Variants in TPH2 observed in about 807,000 individuals in gnomAD.
TPH2 encodes the protein tryptophan hydroxylase 2, also known as tryptophan 5-hydroxylase 2.
TPH2 carries 27 observed loss-of-function variants against 59.1 expected under a neutral mutation model. The observed-to-expected ratio is 0.46, with a 90% CI of 0.34 to 0.63. The LOEUF (loss-of-function observed/expected upper bound fraction) is 0.63, where lower values mean the gene tolerates loss of function less well. Ranked by LOEUF, TPH2 falls within the 30% of genes least tolerant of loss-of-function variation. The probability of loss-of-function intolerance (pLI) is 0.01; values close to 1 mark genes in which losing one functional copy is unlikely to be tolerated. For synonymous variants in TPH2, 220 were observed against 210.5 expected, an observed-to-expected ratio of 1.05 and a Z score of -0.39; for missense variants, 523 against 588.3, an observed-to-expected ratio of 0.89 and a Z score of 1.15.
intron 7 of TPH2, among the ~76,000 whole-genome samples, chr12:71,979,560 G>T (rs1211959060): frequency 6.6e-6 from 1 of 152,136 alleles, no homozygotes; most frequent in Admixed American, 6.5e-5. Flanking sequence ...TTAGTTTCTT[G>T]AACACTTCTC....
intron 9 of TPH2, among the ~76,000 whole-genome samples, chr12:72,024,578 A>G (rs1177854513): frequency 1.3e-5 from 2 of 152,240 alleles, no homozygotes; most frequent in African/African-American, 4.8e-5. Context: ...ATTTCCCTGA[A>G]CAAAAGAGTC....
At chr12:72,012,849 A>G (rs891239406) in intron 8 of TPH2, among the ~76,000 whole-genome samples, 5 of 152,142 alleles carry the variant, frequency 3.3e-5, no homozygotes, top group African/African-American at 1.2e-4. Context: ...TATAGGAAGT[A>G]GTGTTAAATA....
chr12:72,031,966 T>G lies in TPH2; in HGVS notation c.*271T>G. Reference sequence around the variant, plus strand: ...TCCTGCTTAGTGTCCTTAACCAAACTGCATCTAGTTAAAATTTGTAACAAA... The same window carrying G: ...TCCTGCTTAGTGTCCTTAACCAAACGGCATCTAGTTAAAATTTGTAACAAA... On this transcript the variant is annotated 3_prime_UTR_variant, in exon 11 of 11. Transcript: ENST00000333850. The G allele has an allele frequency of 2.2e-6, 1 of 450,564 alleles. No individual in the cohort carries two copies. Among genetic ancestry groups the G allele is most frequent in the Non-Finnish European group, 4.1e-6 (1 of 244,752 alleles). The allele number at this position is 450,564 out of a possible 1,614,324, so 27.9% of individuals were successfully genotyped here.
At chr12:71,965,141 T>G (rs1055371237) in intron 5 of TPH2, 3 of 152,232 alleles carry the variant, frequency 2.0e-5, no homozygotes, top group Non-Finnish European at 4.4e-5. Context: ...CTGCATAGTA[T>G]TCCATCGTGT....
At chr12:71,999,325 A>G (rs944017535) in intron 8 of TPH2, among the ~76,000 whole-genome samples, 5 of 152,258 alleles carry the variant, frequency 3.3e-5, no homozygotes, top group Admixed American at 2.6e-4. Flanking sequence ...TATCTGAAGA[A>G]ATTGATGACA....
chr12:71,961,403 CATGAGCTGTAGG>C, intron 5 of TPH2: 1 of 566,252 alleles, frequency 1.8e-6, no homozygotes, highest in Non-Finnish European at 2.7e-6. Context: ...TGCACAAGAC[CATGAGCTGTAGG>C]ATAATCACGC....
Position 71,963,422 on chromosome 12 carries a change from A to G in TPH2, c.609-9097A>G, listed in dbSNP as rs1371389615. ...TATTATATATGTACTAATACTATGT[A>G]TTAGTGTGTGTATATACATACATAT... On this transcript the variant is annotated intron_variant, in intron 5 of 10. Coordinates refer to ENST00000333850, the MANE Select transcript of TPH2 (RefSeq NM_173353.4). 5.4e-5 allele frequency among the ~76,000 whole-genome samples: 2 copies of G among 37,082 alleles called. 1 individual carries two copies. Among genetic ancestry groups the G allele is most frequent in the African/African-American group, 1.4e-4 (2 of 13,970 alleles). The allele number at this position is 37,082 out of a possible 152,430, so 24.3% of individuals were successfully genotyped here. A position where few individuals can be genotyped will look rare whatever the true frequency, so the allele number is the denominator to read the frequency against.
intron 9 of TPH2, among the ~76,000 whole-genome samples, chr12:72,027,531 G>A (rs1873604106): frequency 6.6e-6 from 1 of 152,188 alleles, no homozygotes; most frequent in African/African-American, 2.4e-5. Context: ...CACGTAGTTA[G>A]GTAGAGATGG....
intron 4 of TPH2, among the ~76,000 whole-genome samples, chr12:71,949,151 A>G (rs1214889004): frequency 6.6e-6 from 1 of 152,240 alleles, no homozygotes; most frequent in East Asian, 1.9e-4. Context: ...AGAATTTATA[A>G]TAAATGTCAC....
chr12:71,945,499 C>T (rs1285930575), intron 4 of TPH2, among the ~76,000 whole-genome samples: 2 of 152,020 alleles, frequency 1.3e-5, no homozygotes, highest in Non-Finnish European at 1.5e-5. Context: ...AGATCACTAA[C>T]GCTTACAGGG....
chr12:71,972,282 C>T (rs986691257), intron 5 of TPH2, among the ~76,000 whole-genome samples: 1 of 152,146 alleles, frequency 6.6e-6, no homozygotes, highest in East Asian at 1.9e-4. Flanking sequence ...TCACATTTCT[C>T]TAAGGATGCA....
At chr12:71,989,353 T>C (rs1282782682) in intron 7 of TPH2, among the ~76,000 whole-genome samples, 1 of 152,216 alleles carries the variant, frequency 6.6e-6, no homozygotes, top group Non-Finnish European at 1.5e-5. Context: ...CTGCAACGCA[T>C]CCCAGTGTGT....
chr12:71,966,156 G>A (rs1295782573), intron 5 of TPH2, among the ~76,000 whole-genome samples: 2 of 152,090 alleles, frequency 1.3e-5, no homozygotes, highest in African/African-American at 4.8e-5. Context: ...TATTTATTGA[G>A]GAGTGCAACA....
intron 6 of TPH2, among the ~76,000 whole-genome samples, chr12:71,976,763 A>G (rs1029974136): frequency 2.0e-5 from 3 of 152,196 alleles, no homozygotes; most frequent in African/African-American, 7.2e-5. Flanking sequence ...GGCCTGTTTT[A>G]TAAGCTTAGT....
Position 71,972,650 on chromosome 12 carries a change from CTAAA to C in TPH2, c.743_746del (p.Lys248ThrfsTer19). ...TATTTGAAAAACTTCCCTCTGCTGACTAAATACTGTGGCTACAGAGAGGACAATG... is the reference window on the plus strand; with the variant it reads ...TATTTGAAAAACTTCCCTCTGCTGACTACTGTGGCTACAGAGAGGACAATG... On this transcript the variant is annotated frameshift_variant, in exon 6 of 11. Transcript: ENST00000333850. LOFTEE classifies it high-confidence loss of function. 1 of 1,614,174 alleles carries C rather than the reference CTAAA, an allele frequency of 6.2e-7. No homozygotes were observed. Among genetic ancestry groups the C allele is most frequent in the African/African-American group, 1.3e-5 (1 of 75,032 alleles).
chr12:72,021,953 T>C (rs1873431038), intron 8 of TPH2, among the ~76,000 whole-genome samples: 2 of 152,214 alleles, frequency 1.3e-5, no homozygotes. Context: ...GTTGAATAAA[T>C]AAACAAACTG....
At chr12:71,976,323 C>G (rs572434768) in intron 6 of TPH2, among the ~76,000 whole-genome samples, 1 of 152,270 alleles carries the variant, frequency 6.6e-6, no homozygotes, top group Non-Finnish European at 1.5e-5. Flanking sequence ...CTGGATATAT[C>G]GCCTAGTTTG....
At chr12:72,022,609 A>G (rs1420705943) in intron 9 of TPH2, 115 bp downstream of exon 9, 1 of 915,972 alleles carries the variant, frequency 1.1e-6, no homozygotes, top group Non-Finnish European at 1.8e-6. Context: ...AATATTTAAC[A>G]TAGAGGATTT....
chr12:72,024,499 G>A (rs1305690490), intron 9 of TPH2, among the ~76,000 whole-genome samples: 1 of 152,208 alleles, frequency 6.6e-6, no homozygotes, highest in African/African-American at 2.4e-5. Context: ...AGTGCAGTGG[G>A]CAAAGCCCAC....
Sources: gnomAD v4.1 joint callset for allele counts (sites outside exome capture counted in the v4.1 genomes callset) on GRCh38, gnomAD v4.1.1 for gene constraint, MANE v1.5 for transcripts, NCBI Gene and HGNC (gene_info 2026-07-23, HGNC 2026-07-21) for gene names.